The following ZFPM2 variants were observed in gnomAD, a reference collection of about 807,000 sequenced individuals.
ZFPM2 encodes the protein zinc finger protein ZFPM2.
ZFPM2 carries 20 observed loss-of-function variants against 98.6 expected under a neutral mutation model. The observed-to-expected ratio is 0.20, with a 90% CI of 0.14 to 0.29. The LOEUF is 0.29. ZFPM2 is among the 10% of genes least tolerant of loss of function. The pLI is 1.00. For synonymous variants in ZFPM2, 518 were observed against 502.7 expected, an observed-to-expected ratio of 1.03 and a Z score of -0.41; for missense variants, 1,310 against 1,388.6, an observed-to-expected ratio of 0.94 and a Z score of 0.90.
At chr8:105,321,766 A>G (rs1484661589) in intron 1 of ZFPM2, among the ~76,000 whole-genome samples, 1 of 152,302 alleles carries the variant, frequency 6.6e-6, no homozygotes, top group African/African-American at 2.4e-5. Context: ...GCCAGATAAG[A>G]GGAGATAATG....
chr8:105,579,534 G>A (rs1459794492), intron 4 of ZFPM2, among the ~76,000 whole-genome samples: 4 of 152,094 alleles, frequency 2.6e-5, no homozygotes, highest in African/African-American at 9.7e-5. Flanking sequence ...GAGGTACAGT[G>A]TGCCTCAGGG....
chr8:105,645,948 G>C (rs185490127), intron 5 of ZFPM2, among the ~76,000 whole-genome samples: 23 of 151,820 alleles, frequency 1.5e-4, no homozygotes, highest in African/African-American at 5.6e-4. Flanking sequence ...AGCTACTCTG[G>C]AGGCTGAGAT....
chr8:105,469,650 A>C (rs1466844461), intron 3 of ZFPM2, among the ~76,000 whole-genome samples: 1 of 152,204 alleles, frequency 6.6e-6, no homozygotes, highest in African/African-American at 2.4e-5. Context: ...CTTATCAGTA[A>C]AACAAGAATA....
intron 3 of ZFPM2, among the ~76,000 whole-genome samples, chr8:105,513,236 AT>A (rs1199980018): frequency 1.3e-5 from 2 of 152,124 alleles, no homozygotes; most frequent in Admixed American, 1.3e-4. Flanking sequence ...TACCCTAGAT[AT>A]TTTTTAAGGC....
intron 1 of ZFPM2, among the ~76,000 whole-genome samples, chr8:105,393,330 C>CTG (rs1245789213): frequency 0.079 from 10,509 of 132,438 alleles, 474 homozygotes; most frequent in Middle Eastern, 0.12. Flanking sequence ...CCCTCTCTCT[C>CTG]TCTTTGCCTT....
chr8:105,407,968 G>A (rs1811495969), intron 1 of ZFPM2, among the ~76,000 whole-genome samples: 1 of 151,880 alleles, frequency 6.6e-6, no homozygotes, highest in South Asian at 2.1e-4. Flanking sequence ...AGTACTGCGA[G>A]CTGCCAGAGG....
intron 4 of ZFPM2, among the ~76,000 whole-genome samples, chr8:105,621,354 T>G (rs934014044): frequency 1.1e-4 from 16 of 152,302 alleles, no homozygotes; most frequent in Admixed American, 9.2e-4. Flanking sequence ...TAGGAATGCT[T>G]GTGATTTTTG....
intron 4 of ZFPM2, among the ~76,000 whole-genome samples, chr8:105,595,242 G>A (rs1171940404): frequency 1.3e-5 from 2 of 152,046 alleles, no homozygotes; most frequent in Admixed American, 6.6e-5. Context: ...GGTCCAGGGA[G>A]GGTGTGCCTT....
intron 5 of ZFPM2, chr8:105,782,456 C>G (rs1322871948): frequency 6.6e-6 from 1 of 152,180 alleles, no homozygotes; most frequent in African/African-American, 2.4e-5. Context: ...TCAGGTGCCA[C>G]CTGTTCTTCA....
intron 3 of ZFPM2, among the ~76,000 whole-genome samples, chr8:105,480,700 T>G (rs1436162556): frequency 1.3e-5 from 2 of 151,604 alleles, no homozygotes; most frequent in Non-Finnish European, 2.9e-5. Context: ...AAGTTATAAC[T>G]GCAGGCAATA....
chr8:105,549,788 T>C (rs1814807647), intron 3 of ZFPM2, among the ~76,000 whole-genome samples: 2 of 151,392 alleles, frequency 1.3e-5, no homozygotes, highest in East Asian at 3.9e-4. Context: ...ATTTTTTGTA[T>C]TTTTTTTGTA....
intron 1 of ZFPM2, among the ~76,000 whole-genome samples, chr8:105,361,648 A>C (rs900761724): frequency 1.3e-5 from 2 of 152,200 alleles, no homozygotes; most frequent in African/African-American, 4.8e-5. Context: ...TGTAGATTAC[A>C]TCATCTGTAT....
At chr8:105,644,894 G>T (rs1030388632) in intron 5 of ZFPM2, among the ~76,000 whole-genome samples, 1 of 152,122 alleles carries the variant, frequency 6.6e-6, no homozygotes, top group African/African-American at 2.4e-5. Flanking sequence ...ACCTCCTAAT[G>T]CCATCACATT....
At chr8:105,439,922 T>G (rs1422543470) in intron 2 of ZFPM2, among the ~76,000 whole-genome samples, 1 of 152,184 alleles carries the variant, frequency 6.6e-6, no homozygotes, top group African/African-American at 2.4e-5. Context: ...TAAATAATTG[T>G]GTAGATTCTA....
In ZFPM2 at chr8:105,801,047, G is replaced by A. The variant is rs781481391; in HGVS notation, c.965G>A (p.Gly322Glu). 10 of 1,611,086 alleles carry A rather than the reference G, an allele frequency of 6.2e-6. No homozygotes were observed. Among genetic ancestry groups the A allele is most frequent in the Admixed American group, 3.3e-5 (2 of 59,922 alleles). ...GTTCTTATTTTGTATGTCTCTCTAG[G>A]AGTGAAAATGGAAGAATTCCTGCCC... ...ALEMHLNSHS[G>E]VKMEEFLPPG... The change falls in exon 8 of 8, where the codon GGA becomes GAA. Residue 322 changes from glycine to glutamate, a missense_variant and splice_region_variant. Gly to Glu is a moderately conservative substitution (Grantham distance 98, BLOSUM62 -2). Transcript: ENST00000407775.
chr8:105,754,470 C>T (rs1369414756), intron 5 of ZFPM2, among the ~76,000 whole-genome samples: 1 of 151,984 alleles, frequency 6.6e-6, no homozygotes, highest in Non-Finnish European at 1.5e-5. Flanking sequence ...TCTGTCATAC[C>T]ATGCAGAGAT....
intron 3 of ZFPM2, among the ~76,000 whole-genome samples, chr8:105,458,852 TA>T (rs1812650048): frequency 6.7e-6 from 1 of 148,574 alleles, no homozygotes; most frequent in East Asian, 1.9e-4. Flanking sequence ...TAGTAGAGAA[TA>T]TTTTTTTTTT....
chr8:105,671,535 A>T (rs906290718), intron 5 of ZFPM2, among the ~76,000 whole-genome samples: 2 of 151,882 alleles, frequency 1.3e-5, no homozygotes, highest in Admixed American at 6.6e-5. Flanking sequence ...TTAATTTTTG[A>T]TTACTGAATT....
At chr8:105,424,589 T>C (rs1376783372) in intron 2 of ZFPM2, among the ~76,000 whole-genome samples, 1 of 151,964 alleles carries the variant, frequency 6.6e-6, no homozygotes, top group Non-Finnish European at 1.5e-5. Flanking sequence ...ATAAAAAATG[T>C]AAAGCATATT....
Sources: allele counts gnomAD v4.1 joint callset (sites outside exome capture counted in the v4.1 genomes callset), GRCh38; gene constraint gnomAD v4.1.1; transcripts MANE v1.5; gene names NCBI Gene and HGNC (gene_info 2026-07-23, HGNC 2026-07-21).